The following CCDC148 variants were observed in gnomAD, a reference collection of about 807,000 sequenced individuals.
CCDC148 encodes the protein coiled-coil domain containing 148, also known as coiled-coil domain-containing protein 148.
Under a neutral mutation model 85.7 loss-of-function variants are expected in CCDC148, and 89 were observed. The ratio of observed to expected loss-of-function variants is 1.04; its 90% CI spans 0.87 to 1.24. CCDC148 has a LOEUF of 1.24. Ranked by LOEUF, CCDC148 falls within the 50% of genes most tolerant of loss-of-function variation. CCDC148 has a pLI of 0.00. For missense variants in CCDC148, 692 were observed against 671.7 expected, an observed-to-expected ratio of 1.03 and a Z score of -0.33; for synonymous variants, 230 against 213.9, an observed-to-expected ratio of 1.08 and a Z score of -0.66.
At chr2:158,381,574 G>T (rs910997149) in intron 1 of CCDC148, among the ~76,000 whole-genome samples, 2 of 152,116 alleles carry the variant, frequency 1.3e-5, no homozygotes, top group African/African-American at 4.8e-5. Flanking sequence ...CATCTACTAT[G>T]ACCTAGCCAT....
rs539782128 is a variant in CCDC148, at chr2:158,178,217, T to C, written c.1488+662A>G. ...GCAACACAGGAGGGAAACCAAGTAG[T>C]CCTTTCCTATTAGCTGGGAAACGGT... On this transcript the variant is annotated intron_variant, in intron 12 of 13. Coordinates refer to ENST00000283233, the MANE Select transcript of CCDC148 (RefSeq NM_138803.4). 3.9e-5 allele frequency: 6 copies of C among 152,190 alleles called. No homozygotes were observed. In the South Asian group the frequency reaches 8.3e-4, roughly 21 times the overall value. The allele number at this position is 152,190 out of a possible 1,614,324, so 9.4% of individuals were successfully genotyped here.
chr2:158,293,642 C>T (rs1028492069), intron 9 of CCDC148, among the ~76,000 whole-genome samples: 1 of 152,082 alleles, frequency 6.6e-6, no homozygotes, highest in Non-Finnish European at 1.5e-5. Context: ...TCAGAGGACC[C>T]TATGGTTGGC....
At chr2:158,298,231 T>A (rs1489199486) in intron 9 of CCDC148, among the ~76,000 whole-genome samples, 1 of 152,176 alleles carries the variant, frequency 6.6e-6, no homozygotes, top group Non-Finnish European at 1.5e-5. Flanking sequence ...GTGGGGATTA[T>A]GGGAATTACA....
At chr2:158,444,753 C>T (rs1688085394) in intron 1 of CCDC148, among the ~76,000 whole-genome samples, 1 of 140,684 alleles carries the variant, frequency 7.1e-6, no homozygotes, top group Non-Finnish European at 1.5e-5. Context: ...CCACTGCACT[C>T]CAGCCTGGGT....
chr2:158,425,498 T>C (rs1350342191), intron 1 of CCDC148, among the ~76,000 whole-genome samples: 1 of 106,008 alleles, frequency 9.4e-6, no homozygotes, highest in Non-Finnish European at 2.2e-5. Context: ...CTTTGCTATC[T>C]GTTATGACTC....
rs77878327 is a variant in CCDC148, at chr2:158,407,428, A to C, written c.26-48858T>G. On this transcript the variant is annotated intron_variant, in intron 1 of 13. Coordinates refer to ENST00000283233, the MANE Select transcript of CCDC148 (RefSeq NM_138803.4). Reference sequence around the variant, plus strand: ...TTTTTCCCTCTATTATTCCACCAATAAACTGTCAACTTTTTACTCTTTCTA... The same window carrying C: ...TTTTTCCCTCTATTATTCCACCAATCAACTGTCAACTTTTTACTCTTTCTA... Among the ~76,000 whole-genome samples the C allele has an allele frequency of 6.8e-3, 1,028 of 152,290 alleles. 15 individuals carry two copies. Among genetic ancestry groups the C allele is most frequent in the African/African-American group, 0.024 (980 of 41,560 alleles).
At chr2:158,429,053 G>A (rs901175205) in intron 1 of CCDC148, among the ~76,000 whole-genome samples, 2 of 151,022 alleles carry the variant, frequency 1.3e-5, no homozygotes, top group Non-Finnish European at 2.9e-5. Flanking sequence ...ACCAAACACA[G>A]CATGTTCTCA....
At position 158,418,977 on chromosome 2, in the gene CCDC148, T is replaced by C. The variant is rs191773025; in HGVS notation, c.25+37438A>G. ...CCCCATTCCATTTTTTAGGGTCATA[T>C]AGAAGCAGAAACTTGGCTTTGCATG... On this transcript the variant is annotated intron_variant, in intron 1 of 13. Transcript: ENST00000283233. 1.1e-3 allele frequency among the ~76,000 whole-genome samples: 175 copies of C among 152,254 alleles called. 1 individual carries two copies. The highest frequency in any genetic ancestry group is 2.3e-3 in the Non-Finnish European group (158 of 67,998).
intron 8 of CCDC148, among the ~76,000 whole-genome samples, chr2:158,311,156 C>A (rs371751463): frequency 6.6e-6 from 1 of 152,184 alleles, no homozygotes; most frequent in Non-Finnish European, 1.5e-5. Context: ...GCGGAGATCA[C>A]GCCACTGCAC....
chr2:158,444,991 T>A (rs189499154), intron 1 of CCDC148, among the ~76,000 whole-genome samples: 3 of 152,072 alleles, frequency 2.0e-5, no homozygotes, highest in Non-Finnish European at 4.4e-5. Flanking sequence ...TACAGAAGCC[T>A]TCCGTGTTTA....
At chr2:158,428,174 G>C (rs1477842667) in intron 1 of CCDC148, among the ~76,000 whole-genome samples, 1 of 152,142 alleles carries the variant, frequency 6.6e-6, no homozygotes, top group Non-Finnish European at 1.5e-5. Context: ...CCACTTAGGA[G>C]ACTGTTACAG....
chr2:158,438,071 T>C (rs1222881932), intron 1 of CCDC148, among the ~76,000 whole-genome samples: 1 of 152,124 alleles, frequency 6.6e-6, no homozygotes, highest in Non-Finnish European at 1.5e-5. Flanking sequence ...ATAGATTCAA[T>C]GCCATCCCCA....
chr2:158,290,977 A>G (rs1245023236), intron 9 of CCDC148, among the ~76,000 whole-genome samples: 2 of 151,676 alleles, frequency 1.3e-5, no homozygotes, highest in South Asian at 2.1e-4. Context: ...CTCCACCTCT[A>G]TCACCATCAC....
At chr2:158,343,579 ATCC>A (rs1433078653) in intron 3 of CCDC148, among the ~76,000 whole-genome samples, 2 of 152,256 alleles carry the variant, frequency 1.3e-5, no homozygotes, top group East Asian at 3.8e-4. Flanking sequence ...GTAAGCCCTT[ATCC>A]TCCGCCTGCC....
intron 1 of CCDC148, among the ~76,000 whole-genome samples, chr2:158,381,600 C>T (rs1278849691): frequency 6.6e-6 from 1 of 152,112 alleles, no homozygotes; most frequent in African/African-American, 2.4e-5. Context: ...CTTTTATATA[C>T]TCAATAGAAA....
chr2:158,258,863 C>A (rs984628936), intron 9 of CCDC148, among the ~76,000 whole-genome samples: 3 of 151,856 alleles, frequency 2.0e-5, no homozygotes, highest in Admixed American at 2.0e-4. Flanking sequence ...ACTCCCACCT[C>A]CCTGCCTAAC....
intron 7 of CCDC148, among the ~76,000 whole-genome samples, chr2:158,334,485 A>T (rs1693318544): frequency 6.6e-6 from 1 of 152,200 alleles, no homozygotes; most frequent in Admixed American, 6.6e-5. Flanking sequence ...CGTAACAATT[A>T]TGCTAGATTT....
At chr2:158,262,861 C>T (rs1559026577) in intron 9 of CCDC148, among the ~76,000 whole-genome samples, 1 of 151,652 alleles carries the variant, frequency 6.6e-6, no homozygotes, top group Non-Finnish European at 1.5e-5. Flanking sequence ...ACCATATGAA[C>T]CTAAAAGTTT....
At position 158,356,953 on chromosome 2, in the gene CCDC148, A is replaced by T. The variant is rs112968291; in HGVS notation, c.147+1496T>A. On this transcript the variant is annotated intron_variant, in intron 2 of 13. Transcript: ENST00000283233. Reference sequence around the variant, plus strand: ...GTAGGGACATGGATGAAATTGGAAAACATCATTCTCAGTAAACTATCGCAA... The same window carrying T: ...GTAGGGACATGGATGAAATTGGAAATCATCATTCTCAGTAAACTATCGCAA... Among the ~76,000 whole-genome samples, 100 of 148,520 alleles carry T rather than the reference A, an allele frequency of 6.7e-4. 1 individual carries two copies. The highest frequency in any genetic ancestry group is 2.3e-3 in the African/African-American group (93 of 39,858).
Sources: gnomAD v4.1 joint callset for allele counts (sites outside exome capture counted in the v4.1 genomes callset) on GRCh38, gnomAD v4.1.1 for gene constraint, MANE v1.5 for transcripts, NCBI Gene and HGNC (gene_info 2026-07-23, HGNC 2026-07-21) for gene names.